Variants in BBOX1 observed in about 807,000 individuals in gnomAD.
BBOX1 encodes gamma-butyrobetaine dioxygenase.
In BBOX1, 35 loss-of-function variants were observed where a neutral mutation model predicts 41.6. That is an observed-to-expected ratio of 0.84 (90% CI 0.64 to 1.11). The LOEUF (loss-of-function observed/expected upper bound fraction) is 1.11, where lower values mean the gene tolerates loss of function less well. BBOX1 is among the 50% of genes most tolerant of loss of function. The probability of loss-of-function intolerance (pLI) is 0.00; values close to 1 mark genes in which losing one functional copy is unlikely to be tolerated. For synonymous variants in BBOX1, 163 were observed against 154.7 expected (o/e 1.05, Z -0.40); for missense variants, 458 against 460.6 (o/e 0.99, Z 0.05).
At chr11:27,044,906 A>G (rs1024515370) in intron 2 of BBOX1, among the ~76,000 whole-genome samples, 1 of 152,138 alleles carries the variant, frequency 6.6e-6, no homozygotes, top group Non-Finnish European at 1.5e-5. Flanking sequence ...TGTCTTGGCT[A>G]TGTGGGCTCT....
At chr11:27,075,963 C>T (rs1227825848) in intron 4 of BBOX1, among the ~76,000 whole-genome samples, 1 of 152,226 alleles carries the variant, frequency 6.6e-6, no homozygotes, top group Non-Finnish European at 1.5e-5. Flanking sequence ...CTGAGCCCAG[C>T]ACTGTATCTG....
chr11:27,094,739 C>T (rs538242407), intron 5 of BBOX1, among the ~76,000 whole-genome samples: 1 of 152,062 alleles, frequency 6.6e-6, no homozygotes, highest in East Asian at 1.9e-4. Flanking sequence ...CACTGAAAGA[C>T]TCTGCCATCT....
chr11:27,115,896 A>G (rs1379979392), intron 6 of BBOX1, among the ~76,000 whole-genome samples: 1 of 151,986 alleles, frequency 6.6e-6, no homozygotes, highest in African/African-American at 2.4e-5. Context: ...TTTCTAAGAA[A>G]GTTAAGAGAG....
At chr11:27,069,548 T>C (rs1276795741) in intron 4 of BBOX1, among the ~76,000 whole-genome samples, 3 of 152,140 alleles carry the variant, frequency 2.0e-5, no homozygotes, top group Admixed American at 6.6e-5. Flanking sequence ...CTTTTCCAAT[T>C]TGGTTGCCCT....
chr11:27,052,606 T>C (rs533299540), intron 2 of BBOX1, among the ~76,000 whole-genome samples: 3 of 152,108 alleles, frequency 2.0e-5, no homozygotes, highest in Non-Finnish European at 2.9e-5. Flanking sequence ...TATTTTCATA[T>C]CTTTGTTGTT....
chr11:27,115,433 T>C lies in BBOX1; in HGVS notation c.534-19T>C, dbSNP rs376622562. 3.8e-6 allele frequency: 6 copies of C among 1,594,318 alleles called. No individual in the cohort carries two copies. In the African/African-American group the frequency reaches 8.1e-5, roughly 22 times the overall value. On this transcript the variant is annotated intron_variant, in intron 5 of 8. Coordinates refer to ENST00000263182, the MANE Select transcript of BBOX1 (RefSeq NM_003986.3). Reference sequence around the variant, plus strand: ...CTTAGTGACAACCTGTTTAAACATGTGTTTCTTGCATTTTACAGACATACT... The same window carrying C: ...CTTAGTGACAACCTGTTTAAACATGCGTTTCTTGCATTTTACAGACATACT...
At chr11:27,124,412 C>A (rs917415140) in intron 7 of BBOX1, among the ~76,000 whole-genome samples, 6 of 152,198 alleles carry the variant, frequency 3.9e-5, no homozygotes, top group Non-Finnish European at 8.8e-5. Context: ...CAATAAGCTA[C>A]AAAAGAGTTT....
chr11:27,049,228 C>A (rs919057850), intron 2 of BBOX1, among the ~76,000 whole-genome samples: 1 of 151,870 alleles, frequency 6.6e-6, no homozygotes, highest in African/African-American at 2.4e-5. Flanking sequence ...TCTCCATATT[C>A]TCACCAAGAC....
At chr11:27,048,528 T>C (rs1299269870) in intron 2 of BBOX1, among the ~76,000 whole-genome samples, 1 of 117,732 alleles carries the variant, frequency 8.5e-6, no homozygotes, top group Admixed American at 8.2e-5. Flanking sequence ...GGCAGATAGA[T>C]AGATGATAGA....
intron 5 of BBOX1, among the ~76,000 whole-genome samples, chr11:27,102,211 A>C (rs938705972): frequency 6.6e-6 from 1 of 152,112 alleles, no homozygotes; most frequent in Non-Finnish European, 1.5e-5. Flanking sequence ...GTGGTTGATA[A>C]TACTCTAAAC....
intron 2 of BBOX1, among the ~76,000 whole-genome samples, chr11:27,053,029 A>G (rs550008248): frequency 1.3e-5 from 2 of 152,302 alleles, no homozygotes; most frequent in Admixed American, 6.5e-5. Flanking sequence ...CTTAGCTACA[A>G]AGAAAGCTGA....
chr11:27,054,477 T>A (rs1856918024), intron 2 of BBOX1, among the ~76,000 whole-genome samples: 1 of 152,156 alleles, frequency 6.6e-6, no homozygotes, highest in Non-Finnish European at 1.5e-5. Context: ...TTGGCATGGT[T>A]TCTGAAGGTC....
chr11:27,127,038 T>A (rs1859689921), intron 8 of BBOX1, among the ~76,000 whole-genome samples: 1 of 152,202 alleles, frequency 6.6e-6, no homozygotes, highest in Non-Finnish European at 1.5e-5. Flanking sequence ...ACAGAGATAA[T>A]ATTTTAAATA....
At chr11:27,102,331 C>T (rs1453143521) in intron 5 of BBOX1, among the ~76,000 whole-genome samples, 2 of 151,978 alleles carry the variant, frequency 1.3e-5, no homozygotes, top group African/African-American at 4.8e-5. Flanking sequence ...AAATATAATA[C>T]AGATACAGAA....
In BBOX1 at chr11:27,126,667, T is replaced by A. The variant is rs530404540; in HGVS notation, c.1004-626T>A. ...AGCTGTTAAACTGAGAAGAAACATT[T>A]CTTTTTTTTCTTTTTTTTTTTTTTT... On this transcript the variant is annotated intron_variant, in intron 8 of 8. Coordinates refer to ENST00000263182, the MANE Select transcript of BBOX1 (RefSeq NM_003986.3). 1.7e-4 allele frequency among the ~76,000 whole-genome samples: 22 copies of A among 131,438 alleles called. 1 individual carries two copies. In the Admixed American group the frequency reaches 2.0e-3, roughly 12 times the overall value. The allele number at this position is 131,438 out of a possible 152,430, so 86.2% of individuals were successfully genotyped here.
At chr11:27,089,247 T>A (rs1858151481) in intron 4 of BBOX1, among the ~76,000 whole-genome samples, 1 of 151,972 alleles carries the variant, frequency 6.6e-6, no homozygotes, top group African/African-American at 2.4e-5. Flanking sequence ...AGATGTCAAA[T>A]CTCAATAACC....
intron 5 of BBOX1, among the ~76,000 whole-genome samples, chr11:27,099,004 C>A (rs1858546244): frequency 1.3e-5 from 2 of 151,844 alleles, no homozygotes; most frequent in Admixed American, 6.6e-5. Flanking sequence ...GCACCTGACA[C>A]ACAATTACGT....
At chr11:27,111,248 A>G (rs1859052996) in intron 5 of BBOX1, among the ~76,000 whole-genome samples, 1 of 151,996 alleles carries the variant, frequency 6.6e-6, no homozygotes, top group South Asian at 2.1e-4. Flanking sequence ...TAATACCTGA[A>G]CAGAAAACCA....
intron 7 of BBOX1, among the ~76,000 whole-genome samples, chr11:27,123,778 G>T (rs1271924694): frequency 1.3e-5 from 2 of 152,110 alleles, no homozygotes; most frequent in Non-Finnish European, 2.9e-5. Context: ...ACATAAAGCT[G>T]TATCCAAAAG....
Sources: gnomAD v4.1 joint callset for allele counts (sites outside exome capture counted in the v4.1 genomes callset) on GRCh38, gnomAD v4.1.1 for gene constraint, MANE v1.5 for transcripts, NCBI Gene and HGNC (gene_info 2026-07-23, HGNC 2026-07-21) for gene names.